ZNF385D: variants seen among roughly 807,000 people sequenced by gnomAD.
ZNF385D encodes zinc finger protein 385D.
ZNF385D carries 15 observed loss-of-function variants against 35.8 expected under a neutral mutation model. The observed-to-expected ratio is 0.42, with a 90% CI of 0.28 to 0.64. The LOEUF (loss-of-function observed/expected upper bound fraction) is 0.64, where lower values mean the gene tolerates loss of function less well. ZNF385D is among the 30% of genes least tolerant of loss of function. ZNF385D has a pLI of 0.23. For missense variants in ZNF385D, 474 were observed against 494.6 expected, an observed-to-expected ratio of 0.96 and a Z score of 0.39; for synonymous variants, 212 against 186.8, an observed-to-expected ratio of 1.13 and a Z score of -1.10.
intron 2 of ZNF385D, among the ~76,000 whole-genome samples, chr3:22,279,515 T>C (rs996341307): frequency 3.7e-5 from 5 of 133,368 alleles, no homozygotes; most frequent in Non-Finnish European, 7.6e-5. Context: ...TATATATGTA[T>C]ATACATATAC....
chr3:22,022,482 A>G (rs1289810003), intron 3 of ZNF385D, among the ~76,000 whole-genome samples: 1 of 152,114 alleles, frequency 6.6e-6, no homozygotes, highest in African/African-American at 2.4e-5. Context: ...AAGAAATAAC[A>G]TACCACTCTA....
At chr3:22,107,975 G>A (rs1476295423) in intron 3 of ZNF385D, among the ~76,000 whole-genome samples, 1 of 151,754 alleles carries the variant, frequency 6.6e-6, no homozygotes, top group Non-Finnish European at 1.5e-5. Context: ...GAGGCTTCAA[G>A]CAGCTTTTGG....
At chr3:21,611,018 T>C (rs73819320) in intron 2 of ZNF385D, among the ~76,000 whole-genome samples, 4,138 of 152,292 alleles carry the variant, frequency 0.027, 193 homozygotes, top group African/African-American at 0.095. Context: ...TCATAGACCC[T>C]TTTCTATAAG....
chr3:22,286,093 G>A (rs1372893968), intron 2 of ZNF385D, among the ~76,000 whole-genome samples: 1 of 152,186 alleles, frequency 6.6e-6, no homozygotes, highest in South Asian at 2.1e-4. Context: ...ACTTACTCTA[G>A]TATCTCTTAA....
chr3:22,118,060 A>T (rs960301643), intron 3 of ZNF385D, among the ~76,000 whole-genome samples: 1 of 152,128 alleles, frequency 6.6e-6, no homozygotes, highest in Non-Finnish European at 1.5e-5. Context: ...TTAAATAAGT[A>T]TTTTTATGCA....
At chr3:21,647,334 C>A (rs181362653) in intron 2 of ZNF385D, among the ~76,000 whole-genome samples, 24 of 151,738 alleles carry the variant, frequency 1.6e-4, no homozygotes, top group African/African-American at 5.6e-4. Context: ...TCCTTCCTTC[C>A]TTTCTTCATT....
At chr3:21,941,588 C>G (rs940442541) in intron 3 of ZNF385D, among the ~76,000 whole-genome samples, 4 of 149,584 alleles carry the variant, frequency 2.7e-5, no homozygotes, top group Admixed American at 2.0e-4. Flanking sequence ...ACCTCCGCCT[C>G]CCGGGTTCAC....
intron 3 of ZNF385D, among the ~76,000 whole-genome samples, chr3:22,089,029 A>C (rs1030361222): frequency 6.6e-6 from 1 of 152,172 alleles, no homozygotes; most frequent in African/African-American, 2.4e-5. Context: ...TCCCTTACCC[A>C]GGAGGTAGGG....
At chr3:21,844,799 T>A (rs1013242860) in intron 3 of ZNF385D, among the ~76,000 whole-genome samples, 3 of 152,070 alleles carry the variant, frequency 2.0e-5, no homozygotes, top group Non-Finnish European at 2.9e-5. Context: ...GGCAAAAAAA[T>A]GATCAATTTT....
chr3:21,593,507 G>A (rs374969283), intron 2 of ZNF385D, among the ~76,000 whole-genome samples: 1 of 152,138 alleles, frequency 6.6e-6, no homozygotes, highest in South Asian at 2.1e-4. Flanking sequence ...AGAGAAGGCT[G>A]AGGAAGGGGC....
chr3:22,304,771 A>G (rs1703112357), intron 2 of ZNF385D, among the ~76,000 whole-genome samples: 1 of 152,176 alleles, frequency 6.6e-6, no homozygotes, highest in Admixed American at 6.5e-5. Flanking sequence ...TCACACAATC[A>G]GGCATATAAG....
In ZNF385D at chr3:21,775,484, C is replaced by T. The variant is rs543038587; in HGVS notation, c.326-110456G>A. Among the ~76,000 whole-genome samples, 12 of 151,928 alleles carry T rather than the reference C, an allele frequency of 7.9e-5. No individual in the cohort carries two copies. The South Asian group carries it at 1.5e-3, about 18-fold the overall frequency. ...GTACTGCTTTTATTGCTCTATTACTCCAAAAATAGTCTAAACTCTCAGTGA... is the reference window on the plus strand; with the variant it reads ...GTACTGCTTTTATTGCTCTATTACTTCAAAAATAGTCTAAACTCTCAGTGA... On this transcript the variant is annotated intron_variant, in intron 3 of 5. Transcript: ENST00000494108.
chr3:21,986,575 G>T (rs1187084999), intron 3 of ZNF385D, among the ~76,000 whole-genome samples: 2 of 148,664 alleles, frequency 1.3e-5, no homozygotes, highest in African/African-American at 2.6e-5. Flanking sequence ...GCTGTGGAGA[G>T]CTTTACTTCC....
At chr3:22,137,149 T>G (rs906401692) in intron 3 of ZNF385D, among the ~76,000 whole-genome samples, 1 of 152,140 alleles carries the variant, frequency 6.6e-6, no homozygotes, top group East Asian at 1.9e-4. Flanking sequence ...TTTCTGTGTT[T>G]TTTACTAATT....
At chr3:21,459,687 C>T (rs1019414745) in intron 4 of ZNF385D, among the ~76,000 whole-genome samples, 11 of 152,154 alleles carry the variant, frequency 7.2e-5, no homozygotes, top group Middle Eastern at 3.4e-3. Context: ...CAACATGGCC[C>T]ATAAACACAC....
intron 3 of ZNF385D, among the ~76,000 whole-genome samples, chr3:22,005,469 T>TA (rs1197791451): frequency 1.3e-5 from 2 of 152,128 alleles, no homozygotes; most frequent in Non-Finnish European, 2.9e-5. Flanking sequence ...ATATTATATA[T>TA]TTTTAAATAG....
At chr3:21,841,183 G>A (rs1695650340) in intron 3 of ZNF385D, among the ~76,000 whole-genome samples, 4 of 151,938 alleles carry the variant, frequency 2.6e-5, no homozygotes, top group Admixed American at 6.6e-5. Context: ...ACTGCATATC[G>A]TGGGCATCCC....
intron 3 of ZNF385D, among the ~76,000 whole-genome samples, chr3:22,085,874 T>C (rs1437614033): frequency 6.6e-6 from 1 of 152,194 alleles, no homozygotes; most frequent in Admixed American, 6.5e-5. Context: ...GTCAGCTTCA[T>C]CCCTGAGTTG....
At chr3:21,970,149 T>C (rs1479324469) in intron 3 of ZNF385D, among the ~76,000 whole-genome samples, 1 of 152,114 alleles carries the variant, frequency 6.6e-6, no homozygotes, top group Admixed American at 6.6e-5. Context: ...TATATAATTC[T>C]TCAATACTCT....
Sources: allele counts gnomAD v4.1 joint callset (sites outside exome capture counted in the v4.1 genomes callset), GRCh38; gene constraint gnomAD v4.1.1; transcripts MANE v1.5; gene names NCBI Gene and HGNC (gene_info 2026-07-23, HGNC 2026-07-21).